LPAR6: variants seen among roughly 807,000 people sequenced by gnomAD.
The protein encoded by LPAR6 is lysophosphatidic acid receptor 6.
In LPAR6, 17 loss-of-function variants were observed where a neutral mutation model predicts 22.0. That is an observed-to-expected ratio of 0.77 (90% CI 0.53 to 1.16). LPAR6 has a LOEUF of 1.16. Ranked by LOEUF, LPAR6 falls within the 50% of genes most tolerant of loss-of-function variation. The pLI, the probability that LPAR6 is intolerant of heterozygous loss-of-function variation, is 0.00. For synonymous variants in LPAR6, 136 were observed against 139.8 expected (o/e 0.97, Z 0.19); for missense variants, 384 against 406.9 (o/e 0.94, Z 0.48).
At chr13:48,407,477 G>T (rs926979577), downstream of LPAR6, among the ~76,000 whole-genome samples, 8 of 152,094 alleles carry the variant, frequency 5.3e-5, no homozygotes, top group African/African-American at 1.9e-4. Context: ...TTGTTTAATT[G>T]ACATTCTTTG....
At chr13:48,402,939 T>G (rs553455298) in intron 1 of LPAR6, among the ~76,000 whole-genome samples, 7 of 152,274 alleles carry the variant, frequency 4.6e-5, no homozygotes, top group African/African-American at 1.4e-4. Flanking sequence ...CATTTTTATT[T>G]AAATAAATTG....
At chr13:48,397,347 A>G (rs1948656696) in intron 1 of LPAR6, among the ~76,000 whole-genome samples, 1 of 152,178 alleles carries the variant, frequency 6.6e-6, no homozygotes, top group Non-Finnish European at 1.5e-5. Flanking sequence ...CTTTGCAGGG[A>G]CATGGATGAA....
intron 1 of LPAR6, among the ~76,000 whole-genome samples, chr13:48,434,748 AAC>A (rs1318983983): frequency 6.6e-6 from 1 of 152,142 alleles, no homozygotes; most frequent in Non-Finnish European, 1.5e-5. Context: ...CCCTGTCCCT[AAC>A]ACCTGGCCAC....
At chr13:48,406,201 A>ATGTG (rs146588176), downstream of LPAR6, among the ~76,000 whole-genome samples, 1 of 151,860 alleles carries the variant, frequency 6.6e-6, no homozygotes, top group Non-Finnish European at 1.5e-5. Context: ...CAAAGGGTTA[A>ATGTG]TGTGTGTGTG....
At chr13:48,403,438 T>G (rs571826035) in intron 1 of LPAR6, among the ~76,000 whole-genome samples, 2 of 152,024 alleles carry the variant, frequency 1.3e-5, no homozygotes, top group African/African-American at 4.8e-5. Flanking sequence ...TTCATTTTTT[T>G]AGTATAAAAA....
chr13:48,405,945 C>T (rs1948735978), intron 1 of LPAR6, among the ~76,000 whole-genome samples: 1 of 151,998 alleles, frequency 6.6e-6, no homozygotes, highest in Admixed American at 6.6e-5. Context: ...GAAGTCATTC[C>T]ATATCAATTT....
chr13:48,434,332 T>C (rs1283130136), intron 1 of LPAR6, among the ~76,000 whole-genome samples: 1 of 152,094 alleles, frequency 6.6e-6, no homozygotes, highest in East Asian at 1.9e-4. Flanking sequence ...TGTTTTTGGA[T>C]TCAGTCTTGA....
intron 1 of LPAR6, among the ~76,000 whole-genome samples, chr13:48,400,671 C>G (rs1442001428): frequency 6.6e-6 from 1 of 152,050 alleles, no homozygotes; most frequent in Non-Finnish European, 1.5e-5. Context: ...ATGTAACTTG[C>G]TTTGGTGTGG....
intron 2 of LPAR6, among the ~76,000 whole-genome samples, chr13:48,420,793 A>G (rs1189716522): frequency 3.3e-5 from 5 of 152,260 alleles, no homozygotes; most frequent in East Asian, 3.9e-4. Flanking sequence ...CACAAATGCT[A>G]CAAAGAGAAT....
exon 2 of LPAR6, chr13:48,389,591 AT>A (rs1432054229): frequency 2.0e-5 from 3 of 152,098 alleles, no homozygotes; most frequent in Non-Finnish European, 4.4e-5. Context: ...CAAATATTTT[AT>A]TTTGCTTATG....
At chr13:48,394,913 T>C (rs574419956) in intron 1 of LPAR6, among the ~76,000 whole-genome samples, 1 of 152,330 alleles carries the variant, frequency 6.6e-6, no homozygotes, top group African/African-American at 2.4e-5. Flanking sequence ...ACAGACTGTC[T>C]CCTCAAGTGG....
chr13:48,418,197 A>G (rs1245339623), intron 2 of LPAR6, among the ~76,000 whole-genome samples: 1 of 152,202 alleles, frequency 6.6e-6, no homozygotes, highest in East Asian at 1.9e-4. Context: ...CAGAAACCCT[A>G]CAGGCCAGAA....
upstream of LPAR6, among the ~76,000 whole-genome samples, chr13:48,428,643 T>G (rs1036649570): frequency 6.6e-6 from 1 of 152,232 alleles, no homozygotes; most frequent in African/African-American, 2.4e-5. Flanking sequence ...TGATAGAAAT[T>G]TAAGATTAAG....
chr13:48,429,921 A>G (rs2138273673), upstream of LPAR6, among the ~76,000 whole-genome samples: 1 of 152,336 alleles, frequency 6.6e-6, no homozygotes, highest in South Asian at 2.1e-4. Flanking sequence ...CCATAAGAGA[A>G]TACTTGAACA....
upstream of LPAR6, among the ~76,000 whole-genome samples, chr13:48,417,624 GC>G (rs567474512): frequency 1.3e-5 from 2 of 152,146 alleles, no homozygotes; most frequent in Non-Finnish European, 2.9e-5. Context: ...ATGCAAGGAA[GC>G]TAAAAACCTT....
intron 1 of LPAR6, among the ~76,000 whole-genome samples, chr13:48,432,180 G>A (rs1278915692): frequency 6.6e-6 from 1 of 152,086 alleles, no homozygotes; most frequent in Non-Finnish European, 1.5e-5. Flanking sequence ...AAGAAGTGAA[G>A]GAATGAATCA....
At chr13:48,408,012 A>G (rs1948755035), downstream of LPAR6, among the ~76,000 whole-genome samples, 1 of 152,158 alleles carries the variant, frequency 6.6e-6, no homozygotes, top group African/African-American at 2.4e-5. Flanking sequence ...TGTAGGACCA[A>G]AAAGCAATTG....
chr13:48,437,964 G>A (rs1251532673), intron 1 of LPAR6, among the ~76,000 whole-genome samples: 2 of 152,090 alleles, frequency 1.3e-5, no homozygotes, highest in Non-Finnish European at 2.9e-5. Flanking sequence ...TCTTGTTTGT[G>A]CTTTGCTGTA....
In LPAR6 at chr13:48,437,478, T is replaced by G. The variant is rs116069380; in HGVS notation, c.-1474+7075A>C. Among the ~76,000 whole-genome samples the G allele has an allele frequency of 2.4e-3, 365 of 152,366 alleles. 1 individual carries two copies. Among genetic ancestry groups the G allele is most frequent in the African/African-American group, 7.5e-3 (314 of 41,590 alleles). On this transcript the variant is annotated intron_variant, in intron 1 of 6. Transcript: ENST00000378434. ...GTCGGGAAACTGGGAGTGGCTTTAC[T>G]GTGTGATTTTGACTCATGTTTCCTC... is the stretch of plus-strand genomic sequence containing the variant.
Sources: gnomAD v4.1 joint callset for allele counts (sites outside exome capture counted in the v4.1 genomes callset) on GRCh38, gnomAD v4.1.1 for gene constraint, MANE v1.5 for transcripts, NCBI Gene and HGNC (gene_info 2026-07-23, HGNC 2026-07-21) for gene names.